PITPNC1: variants seen among roughly 807,000 people sequenced by gnomAD.
The protein encoded by PITPNC1 is cytoplasmic phosphatidylinositol transfer protein 1.
A neutral mutation model predicts 44.7 loss-of-function variants in PITPNC1; 18 were observed. The ratio of observed to expected loss-of-function variants is 0.40; its 90% confidence interval spans 0.28 to 0.60. PITPNC1 has a LOEUF of 0.60. PITPNC1 is among the 20% of genes least tolerant of loss of function. PITPNC1 has a pLI of 0.39. For missense variants in PITPNC1, 290 were observed against 418.4 expected (o/e 0.69, Z 2.68); for synonymous variants, 141 against 149.6 (o/e 0.94, Z 0.42).
chr17:67,440,708 T>C (rs1454337502), intron 1 of PITPNC1, among the ~76,000 whole-genome samples: 1 of 151,334 alleles, frequency 6.6e-6, no homozygotes, highest in African/African-American at 2.4e-5. Flanking sequence ...GATTTTTTTT[T>C]TGAAAAAAAA....
At chr17:67,444,009 A>G (rs1161833376) in intron 1 of PITPNC1, among the ~76,000 whole-genome samples, 1 of 151,994 alleles carries the variant, frequency 6.6e-6, no homozygotes, top group East Asian at 1.9e-4. Flanking sequence ...CAACTCTGTC[A>G]TTATTTTCAG....
chr17:67,577,345 TGGGAGGCCAAGGTG>T (rs1386205900), intron 4 of PITPNC1, among the ~76,000 whole-genome samples: 1 of 151,430 alleles, frequency 6.6e-6, no homozygotes, highest in East Asian at 1.9e-4. Flanking sequence ...CCCAGCACTA[TGGGAGGCCAAGGTG>T]GGCAGATCTT....
At chr17:67,467,090 GCT>G (rs1742458808) in intron 1 of PITPNC1, among the ~76,000 whole-genome samples, 1 of 99,534 alleles carries the variant, frequency 1.0e-5, no homozygotes, top group African/African-American at 3.9e-5. Flanking sequence ...GATGAATCTT[GCT>G]CTGTCACCCA....
chr17:67,653,199 T>C (rs1477786834), intron 6 of PITPNC1, among the ~76,000 whole-genome samples: 1 of 152,064 alleles, frequency 6.6e-6, no homozygotes, highest in Non-Finnish European at 1.5e-5. Flanking sequence ...GGAGCATTGC[T>C]TGAACCCAGG....
intron 1 of PITPNC1, among the ~76,000 whole-genome samples, chr17:67,516,862 T>G (rs1320567017): frequency 6.6e-6 from 1 of 152,120 alleles, no homozygotes; most frequent in African/African-American, 2.4e-5. Context: ...TCAGGTGATC[T>G]GTCTGCCAAA....
At chr17:67,579,040 C>T (rs566637069) in intron 5 of PITPNC1, among the ~76,000 whole-genome samples, 1 of 152,332 alleles carries the variant, frequency 6.6e-6, no homozygotes, top group African/African-American at 2.4e-5. Flanking sequence ...ATACTGCATG[C>T]ATGCTTACTT....
intron 1 of PITPNC1, among the ~76,000 whole-genome samples, chr17:67,456,580 A>C (rs1440907278): frequency 6.6e-6 from 1 of 151,894 alleles, no homozygotes; most frequent in Non-Finnish European, 1.5e-5. Context: ...AAAAATATTC[A>C]ATGTGTATAC....
At chr17:67,426,459 G>T (rs1227224131) in intron 1 of PITPNC1, among the ~76,000 whole-genome samples, 1 of 152,116 alleles carries the variant, frequency 6.6e-6, no homozygotes, top group East Asian at 1.9e-4. Flanking sequence ...TCCTTTGCAG[G>T]AACATGGATG....
At chr17:67,506,522 A>G (rs1274060152) in intron 1 of PITPNC1, among the ~76,000 whole-genome samples, 1 of 152,134 alleles carries the variant, frequency 6.6e-6, no homozygotes, top group African/African-American at 2.4e-5. Flanking sequence ...GCTGAAAACA[A>G]TTTTTTTCTG....
chr17:67,486,671 G>A (rs1216078679), intron 1 of PITPNC1, among the ~76,000 whole-genome samples: 1 of 152,132 alleles, frequency 6.6e-6, no homozygotes, highest in Admixed American at 6.5e-5. Flanking sequence ...GTGACGTTTT[G>A]AATCTGTAGA....
chr17:67,496,640 A>G (rs1305578679), intron 1 of PITPNC1, among the ~76,000 whole-genome samples: 1 of 152,128 alleles, frequency 6.6e-6, no homozygotes, highest in Non-Finnish European at 1.5e-5. Context: ...TTAATCCTGG[A>G]AATAATGGGT....
intron 4 of PITPNC1, among the ~76,000 whole-genome samples, chr17:67,557,849 A>C (rs958968962): frequency 1.3e-5 from 2 of 152,118 alleles, no homozygotes; most frequent in Non-Finnish European, 2.9e-5. Flanking sequence ...TTAATCCTAA[A>C]TACCTCTTCT....
At chr17:67,595,000 T>G (rs950656046) in intron 5 of PITPNC1, among the ~76,000 whole-genome samples, 2 of 152,236 alleles carry the variant, frequency 1.3e-5, no homozygotes, top group Non-Finnish European at 2.9e-5. Context: ...AAACGCATAT[T>G]AGAGTTGATG....
intron 1 of PITPNC1, among the ~76,000 whole-genome samples, chr17:67,424,822 C>T (rs1037661235): frequency 4.6e-5 from 7 of 151,964 alleles, no homozygotes; most frequent in Non-Finnish European, 1.0e-4. Context: ...CAGTGTCAGG[C>T]CTCTCAGCCC....
chr17:67,520,964 A>G (rs1453103219), intron 1 of PITPNC1, among the ~76,000 whole-genome samples: 5 of 152,216 alleles, frequency 3.3e-5, no homozygotes, highest in Admixed American at 2.0e-4. Flanking sequence ...GGGCTAGAAC[A>G]TCACCCCTAA....
rs574094992 is a variant in PITPNC1, at chr17:67,529,117, G to A, written c.49-3685G>A. On this transcript the variant is annotated intron_variant, in intron 1 of 8. Transcript: ENST00000581322. ...GAGCTAATGCCAGTGTCTGCCCCGC[G>A]CCGGCTCATTCAGCAGCCACTGGAA... Among the ~76,000 whole-genome samples, 88 of 152,196 alleles carry A rather than the reference G, an allele frequency of 5.8e-4. 4 individuals carry two copies. The South Asian group carries it at 0.018, about 31-fold the overall frequency.
intron 1 of PITPNC1, among the ~76,000 whole-genome samples, chr17:67,477,249 T>C (rs2039643327): frequency 6.8e-6 from 1 of 147,628 alleles, no homozygotes; most frequent in African/African-American, 2.5e-5. Flanking sequence ...CTCTTTTTTT[T>C]TTTTTTTTTT....
intron 5 of PITPNC1, among the ~76,000 whole-genome samples, chr17:67,599,921 A>G (rs1173301428): frequency 6.6e-6 from 1 of 152,138 alleles, no homozygotes; most frequent in East Asian, 1.9e-4. Flanking sequence ...ATATTGCTGG[A>G]CTCGTGGATC....
Position 67,693,925 on chromosome 17 carries a change from A to G in PITPNC1, c.*1037A>G, listed in dbSNP as rs1476247545. 6.6e-6 allele frequency: 1 copy of G among 152,226 alleles called. No individual in the cohort carries two copies. The highest frequency in any genetic ancestry group is 6.5e-5 in the Admixed American group (1 of 15,290). The allele number at this position is 152,226 out of a possible 1,614,324, so 9.4% of individuals were successfully genotyped here. A position where few individuals can be genotyped will look rare whatever the true frequency, so the allele number is the denominator to read the frequency against. On this transcript the variant is annotated 3_prime_UTR_variant, in exon 9 of 9. Coordinates refer to ENST00000581322, the MANE Select transcript of PITPNC1 (RefSeq NM_012417.4). ...AACAGATTGCCTACCACCAGACCTT[A>G]GAAAAGACTGTCATTCTCTTGCTCC...
Sources: gnomAD v4.1 joint callset for allele counts (sites outside exome capture counted in the v4.1 genomes callset) on GRCh38, gnomAD v4.1.1 for gene constraint, MANE v1.5 for transcripts, NCBI Gene and HGNC (gene_info 2026-07-23, HGNC 2026-07-21) for gene names.